The following PPM1L variants were observed in gnomAD, a reference collection of about 807,000 sequenced individuals.
PPM1L encodes protein phosphatase, Mg2+/Mn2+ dependent 1L, also known as protein phosphatase 1L.
A neutral mutation model predicts 31.4 loss-of-function variants in PPM1L; 13 were observed. The ratio of observed to expected loss-of-function variants is 0.41; its 90% CI spans 0.27 to 0.66. The LOEUF (loss-of-function observed/expected upper bound fraction) is 0.66. Among genes scored for constraint, PPM1L ranks in the 30% least tolerant of loss-of-function variants. PPM1L has a pLI of 0.29. For missense variants in PPM1L, 326 were observed against 453.7 expected (o/e 0.72, Z 2.56); for synonymous variants, 184 against 175.4 (o/e 1.05, Z -0.39).
intron 2 of PPM1L, among the ~76,000 whole-genome samples, chr3:160,984,049 G>C (rs1005097892): frequency 6.6e-6 from 1 of 152,170 alleles, no homozygotes; most frequent in Non-Finnish European, 1.5e-5. Flanking sequence ...TGTATGCATT[G>C]TCATTGATAA....
intron 1 of PPM1L, among the ~76,000 whole-genome samples, chr3:160,920,615 T>TCTCTCTCTCTCACA (rs1389629070): frequency 4.9e-4 from 14 of 28,712 alleles, no homozygotes; most frequent in Non-Finnish European, 1.2e-3. Context: ...TCTCTCTCTC[T>TCTCTCTCTCTCACA]CACACACACA....
intron 2 of PPM1L, among the ~76,000 whole-genome samples, chr3:161,036,701 A>C (rs1718751626): frequency 6.6e-6 from 1 of 152,114 alleles, no homozygotes. Context: ...TTTTAATGTT[A>C]CCTTTAGTCC....
intron 1 of PPM1L, among the ~76,000 whole-genome samples, chr3:160,857,148 C>T (rs766510413): frequency 2.0e-5 from 3 of 152,010 alleles, no homozygotes; most frequent in Non-Finnish European, 2.9e-5. Flanking sequence ...CTTTTGTTTC[C>T]AGGAAAAATA....
At chr3:160,883,074 T>G (rs114550201) in intron 1 of PPM1L, among the ~76,000 whole-genome samples, 127 of 152,358 alleles carry the variant, frequency 8.3e-4, no homozygotes, top group African/African-American at 2.8e-3. Context: ...TGGGTAGCAC[T>G]TAATCACTCA....
intron 1 of PPM1L, among the ~76,000 whole-genome samples, chr3:160,832,820 T>C (rs115997701): frequency 0.032 from 4,814 of 152,210 alleles, 235 homozygotes; most frequent in African/African-American, 0.11. Context: ...TTGTTACATA[T>C]GTAAATGTGT....
chr3:160,973,172 T>C (rs1716411140), intron 2 of PPM1L, among the ~76,000 whole-genome samples: 1 of 152,244 alleles, frequency 6.6e-6, no homozygotes, highest in Non-Finnish European at 1.5e-5. Flanking sequence ...GGAACACTGA[T>C]ATTTAGAATC....
chr3:160,878,992 C>T (rs1024204457), intron 1 of PPM1L, among the ~76,000 whole-genome samples: 14 of 152,190 alleles, frequency 9.2e-5, no homozygotes, highest in African/African-American at 3.1e-4. Context: ...GAATTATTAG[C>T]AACTGAGCAA....
intron 1 of PPM1L, among the ~76,000 whole-genome samples, chr3:160,859,412 A>G (rs1402178223): frequency 1.3e-5 from 2 of 152,320 alleles, no homozygotes; most frequent in East Asian, 3.9e-4. Flanking sequence ...AAGTTAGATT[A>G]CTATGATTGA....
rs1229813372 is a variant in PPM1L at position 161,076,156 on chromosome 3, T to C, written c.*6999T>C. The C allele has an allele frequency of 2.6e-5, 4 of 152,172 alleles. No individual in the cohort carries two copies. The highest frequency in any genetic ancestry group is 5.9e-5 in the Non-Finnish European group (4 of 68,032). 9.4% of individuals were successfully genotyped at this position (152,172 alleles called of 1,614,324 possible). ...CAATGGGTCAGGTTGCTCATATGAT[T>C]AAAAAAATTAATCCTGTAGAAATGA... On this transcript the variant is annotated 3_prime_UTR_variant, in exon 4 of 4. Coordinates refer to ENST00000498165, the MANE Select transcript of PPM1L (RefSeq NM_139245.4).
intron 1 of PPM1L, among the ~76,000 whole-genome samples, chr3:160,905,394 A>T (rs1713719286): frequency 6.6e-6 from 1 of 152,218 alleles, no homozygotes; most frequent in African/African-American, 2.4e-5. Context: ...TGATTTATTG[A>T]TAAGCTCTGA....
chr3:160,826,836 G>A (rs888113137), intron 1 of PPM1L, among the ~76,000 whole-genome samples: 4 of 152,084 alleles, frequency 2.6e-5, no homozygotes, highest in South Asian at 2.1e-4. Flanking sequence ...TATTAGAACT[G>A]TACAGAATTA....
chr3:160,944,886 A>ATGTTATATATAACATATATG (rs199625635), intron 1 of PPM1L, among the ~76,000 whole-genome samples: 1 of 46,896 alleles, frequency 2.1e-5, no homozygotes, highest in African/African-American at 5.9e-5. Flanking sequence ...TAACATATAT[A>ATGTTATATATAACATATATG]TTATATATAA....
chr3:160,913,829 T>C (rs979413849), intron 1 of PPM1L, among the ~76,000 whole-genome samples: 3 of 152,160 alleles, frequency 2.0e-5, no homozygotes, highest in Non-Finnish European at 4.4e-5. Context: ...GTTTCCAGTT[T>C]TCTGACTACC....
At chr3:160,791,351 A>T (rs1712099947) in intron 1 of PPM1L, among the ~76,000 whole-genome samples, 1 of 152,154 alleles carries the variant, frequency 6.6e-6, no homozygotes, top group African/African-American at 2.4e-5. Flanking sequence ...GTAAGTAGGG[A>T]TAATAATATA....
intron 2 of PPM1L, among the ~76,000 whole-genome samples, chr3:160,964,550 A>G (rs913459647): frequency 2.2e-4 from 33 of 152,016 alleles, no homozygotes; most frequent in African/African-American, 6.5e-4. Flanking sequence ...AAGTGCACAT[A>G]TAAATGGACC....
chr3:160,863,804 C>A (rs771444251), intron 1 of PPM1L, among the ~76,000 whole-genome samples: 5 of 152,178 alleles, frequency 3.3e-5, no homozygotes, highest in African/African-American at 4.8e-5. Context: ...CTTGAGCACC[C>A]TTCCAGGTAT....
chr3:160,975,375 T>G (rs1250103155), intron 2 of PPM1L, among the ~76,000 whole-genome samples: 1 of 152,164 alleles, frequency 6.6e-6, no homozygotes, highest in African/African-American at 2.4e-5. Flanking sequence ...TGGTTCCATA[T>G]GAACTTTAAA....
chr3:160,828,137 G>T (rs1285609418), intron 1 of PPM1L, among the ~76,000 whole-genome samples: 2 of 152,078 alleles, frequency 1.3e-5, no homozygotes, highest in Admixed American at 1.3e-4. Flanking sequence ...GATTTGAGGG[G>T]TGGGGAGTGG....
chr3:160,882,737 G>C lies in PPM1L; in HGVS notation c.400-78999G>C, dbSNP rs1410360770. Among the ~76,000 whole-genome samples the C allele has an allele frequency of 3.9e-5, 6 of 152,286 alleles. No individual in the cohort carries two copies. The East Asian group carries it at 1.2e-3, about 29-fold the overall frequency. ...AATGAAAAGTTTCCCACTCACCGTT[G>C]TTCCCAGGTCACCCAGTTGTCCTCC... On this transcript the variant is annotated intron_variant, in intron 1 of 3. Transcript: ENST00000498165.
Sources: allele counts gnomAD v4.1 joint callset (sites outside exome capture counted in the v4.1 genomes callset), GRCh38; gene constraint gnomAD v4.1.1; transcripts MANE v1.5; gene names NCBI Gene and HGNC (gene_info 2026-07-23, HGNC 2026-07-21).